NIPAL2: variants seen among roughly 807,000 people sequenced by gnomAD.
The protein encoded by NIPAL2 is NIPA-like protein 2.
A neutral mutation model predicts 48.9 loss-of-function variants in NIPAL2; 43 were observed. The ratio of observed to expected loss-of-function variants is 0.88; its 90% CI spans 0.69 to 1.13. NIPAL2 has a LOEUF of 1.13. NIPAL2 is among the 50% of genes most tolerant of loss of function. The pLI is 0.00. For missense variants in NIPAL2, 446 were observed against 461.4 expected (o/e 0.97, Z 0.31); for synonymous variants, 167 against 174.6 (o/e 0.96, Z 0.34).
chr8:98,255,068 T>G (rs532951719), intron 1 of NIPAL2, among the ~76,000 whole-genome samples: 63 of 151,398 alleles, frequency 4.2e-4, no homozygotes, highest in African/African-American at 1.5e-3. Flanking sequence ...TTGGGTCTTC[T>G]GCTTCTTTCT....
chr8:98,235,834 A>G lies in NIPAL2; in HGVS notation c.436+321T>C, dbSNP rs908682483. On this transcript the variant is annotated intron_variant, in intron 4 of 10. Transcript: ENST00000430223. The stretch of plus-strand genomic sequence containing the variant: ...ATAAAATGTTATGAAATTATAATTC[A>G]GTGCATTATAATAATATAATCCCTT... Among the ~76,000 whole-genome samples the G allele has an allele frequency of 3.3e-5, 5 of 151,666 alleles. No individual in the cohort carries two copies. In the East Asian group the frequency reaches 7.7e-4, roughly 23 times the overall value.
intron 1 of NIPAL2, among the ~76,000 whole-genome samples, chr8:98,276,713 A>G (rs1815485414): frequency 6.6e-6 from 1 of 151,972 alleles, no homozygotes; most frequent in Non-Finnish European, 1.5e-5. Context: ...TGTTCCATAC[A>G]GTCAATGCTT....
In NIPAL2 at chr8:98,294,084, G is replaced by A; in HGVS notation, c.54C>T (p.Asp18=). ...CGTACGTGAAATTCAGTGACAGCTCGTCCAGGGCGGCCGAGGCGGAGTCCC... is the reference window on the plus strand; with the variant it reads ...CGTACGTGAAATTCAGTGACAGCTCATCCAGGGCGGCCGAGGCGGAGTCCC... ...GPGDSASAAL[D]ELSLNFTYGA... Residue 18 remains aspartate (D), a synonymous_variant, in exon 1 of 11, where the codon GAC becomes GAT. Transcript: ENST00000430223. 2.0e-6 allele frequency: 3 copies of A among 1,493,766 alleles called. No individual in the cohort carries two copies. The highest frequency in any genetic ancestry group is 8.9e-7 in the Non-Finnish European group (1 of 1,122,132). The allele number at this position is 1,493,766 out of a possible 1,614,324, so 92.5% of individuals were successfully genotyped here. A position where few individuals can be genotyped will look rare whatever the true frequency, so the allele number is the denominator to read the frequency against.
intron 1 of NIPAL2, among the ~76,000 whole-genome samples, chr8:98,284,154 C>T (rs369959627): frequency 5.3e-5 from 8 of 152,242 alleles, no homozygotes; most frequent in South Asian, 2.1e-4. Context: ...CATATGACAC[C>T]CACACGATTC....
At chr8:98,267,320 T>C (rs1425041544) in intron 1 of NIPAL2, among the ~76,000 whole-genome samples, 1 of 151,890 alleles carries the variant, frequency 6.6e-6, no homozygotes, top group Non-Finnish European at 1.5e-5. Flanking sequence ...GGGGATATTC[T>C]ATTTTCCTTT....
intron 3 of NIPAL2, among the ~76,000 whole-genome samples, chr8:98,242,147 A>T (rs1299264945): frequency 6.6e-6 from 1 of 152,188 alleles, no homozygotes; most frequent in Non-Finnish European, 1.5e-5. Context: ...GTTAATAGTG[A>T]TACATATTTC....
chr8:98,226,025 G>A (rs984877399), intron 4 of NIPAL2, among the ~76,000 whole-genome samples: 18 of 151,834 alleles, frequency 1.2e-4, no homozygotes, highest in Non-Finnish European at 2.1e-4. Context: ...TGGTATGTCC[G>A]TTGCATTTTT....
intron 1 of NIPAL2, among the ~76,000 whole-genome samples, chr8:98,279,671 A>T (rs1452144485): frequency 6.6e-6 from 1 of 152,240 alleles, no homozygotes; most frequent in African/African-American, 2.4e-5. Context: ...AATGCAATAG[A>T]TAACTTTTTG....
intron 3 of NIPAL2, among the ~76,000 whole-genome samples, chr8:98,243,189 A>G (rs1190863906): frequency 6.6e-6 from 1 of 152,228 alleles, no homozygotes; most frequent in Non-Finnish European, 1.5e-5. Flanking sequence ...GCTTTTCAGC[A>G]GCAATTGCTG....
At chr8:98,244,696 C>T (rs1478219097) in intron 3 of NIPAL2, among the ~76,000 whole-genome samples, 1 of 152,190 alleles carries the variant, frequency 6.6e-6, no homozygotes, top group Non-Finnish European at 1.5e-5. Context: ...TGAAAGGTGG[C>T]ACTCCTGAAT....
At chr8:98,267,836 A>C (rs1814866298) in intron 1 of NIPAL2, among the ~76,000 whole-genome samples, 1 of 152,192 alleles carries the variant, frequency 6.6e-6, no homozygotes, top group Non-Finnish European at 1.5e-5. Context: ...ATTAACTTTG[A>C]AGTTTGTTCC....
intron 1 of NIPAL2, among the ~76,000 whole-genome samples, chr8:98,260,007 A>G (rs1361042289): frequency 1.3e-5 from 2 of 152,260 alleles, no homozygotes; most frequent in Non-Finnish European, 2.9e-5. Flanking sequence ...AAGAAATAAT[A>G]GACTAAGGTT....
chr8:98,234,670 C>T (rs57585519), intron 4 of NIPAL2, among the ~76,000 whole-genome samples: 6,277 of 151,744 alleles, frequency 0.041, 410 homozygotes, highest in African/African-American at 0.14. Flanking sequence ...GCCTCAGCCT[C>T]CCAAGTAGCT....
intron 3 of NIPAL2, among the ~76,000 whole-genome samples, chr8:98,248,181 G>A (rs1326829524): frequency 6.6e-6 from 1 of 152,146 alleles, no homozygotes; most frequent in Non-Finnish European, 1.5e-5. Context: ...TACTTAATTA[G>A]ATGAAAAATG....
At chr8:98,240,504 C>A (rs1047790070) in intron 3 of NIPAL2, among the ~76,000 whole-genome samples, 1 of 151,770 alleles carries the variant, frequency 6.6e-6, no homozygotes, top group African/African-American at 2.4e-5. Context: ...AATGTGACAC[C>A]CTTTCCCTAC....
chr8:98,217,876 G>A (rs1811651569), intron 5 of NIPAL2, among the ~76,000 whole-genome samples: 1 of 152,072 alleles, frequency 6.6e-6, no homozygotes, highest in South Asian at 2.1e-4. Flanking sequence ...GTTTCTCCCA[G>A]AACTGTAAAA....
At chr8:98,200,129 A>G (rs1263944714) in intron 8 of NIPAL2, among the ~76,000 whole-genome samples, 7 of 152,066 alleles carry the variant, frequency 4.6e-5, no homozygotes, top group Non-Finnish European at 8.8e-5. Flanking sequence ...TTTTTTCCCA[A>G]TTTAGAAACG....
intron 2 of NIPAL2, 28 bp downstream of exon 2, chr8:98,253,991 G>A: frequency 1.3e-6 from 2 of 1,503,174 alleles, no homozygotes; most frequent in Non-Finnish European, 9.2e-7. Flanking sequence ...TCAATCTATA[G>A]TGTTAGAAAA....
intron 3 of NIPAL2, among the ~76,000 whole-genome samples, chr8:98,251,411 T>G (rs1813579774): frequency 6.6e-6 from 1 of 152,216 alleles, no homozygotes; most frequent in Non-Finnish European, 1.5e-5. Flanking sequence ...GTTTACCCAA[T>G]TTGCTTATTC....
Sources: gnomAD v4.1 joint callset for allele counts (sites outside exome capture counted in the v4.1 genomes callset) on GRCh38, gnomAD v4.1.1 for gene constraint, MANE v1.5 for transcripts, NCBI Gene and HGNC (gene_info 2026-07-23, HGNC 2026-07-21) for gene names.